The following EXOC6B variants were observed in gnomAD, a reference collection of about 807,000 sequenced individuals.
EXOC6B encodes SEC15 homolog B.
EXOC6B carries 54 observed loss-of-function variants against 113.5 expected under a neutral mutation model. That is an observed-to-expected ratio of 0.48 (90% CI 0.38 to 0.60). EXOC6B has a LOEUF of 0.60. Among genes scored for constraint, EXOC6B ranks in the 20% least tolerant of loss-of-function variants. EXOC6B has a pLI of 0.00. For missense variants in EXOC6B, 797 were observed against 977.5 expected (o/e 0.82, Z 2.46); for synonymous variants, 357 against 339.0 (o/e 1.05, Z -0.58).
chr2:72,704,054 C>T (rs1189164307), intron 6 of EXOC6B, among the ~76,000 whole-genome samples: 1 of 150,832 alleles, frequency 6.6e-6, no homozygotes, highest in Non-Finnish European at 1.5e-5. Flanking sequence ...ACACCTATTC[C>T]AAAATTGACC....
chr2:72,554,760 T>A (rs969055785), intron 8 of EXOC6B, among the ~76,000 whole-genome samples: 6 of 152,272 alleles, frequency 3.9e-5, no homozygotes, highest in African/African-American at 1.4e-4. Flanking sequence ...TTTTATTTTT[T>A]ATTTTTTTAT....
chr2:72,597,829 A>T (rs1670170298), intron 6 of EXOC6B, among the ~76,000 whole-genome samples: 1 of 151,962 alleles, frequency 6.6e-6, no homozygotes, highest in South Asian at 2.1e-4. Context: ...AACAAATAAA[A>T]TTATCAGGGA....
At chr2:72,285,984 A>G (rs966281769) in intron 20 of EXOC6B, among the ~76,000 whole-genome samples, 6 of 152,184 alleles carry the variant, frequency 3.9e-5, no homozygotes, top group Non-Finnish European at 8.8e-5. Flanking sequence ...GGACACTGCT[A>G]AACACCAAAT....
rs1694417250 is a variant in EXOC6B at position 72,414,772 on chromosome 2, C to A, written c.1981-34902G>T. Reference sequence around the variant, plus strand: ...ACTCAACTCTACATAAATTTACCAGCTCACTGAAAGGGCTTGGCTCTGTTA... The same window carrying A: ...ACTCAACTCTACATAAATTTACCAGATCACTGAAAGGGCTTGGCTCTGTTA... On this transcript the variant is annotated intron_variant, in intron 18 of 21. Transcript: ENST00000272427. Among the ~76,000 whole-genome samples the A allele has an allele frequency of 2.0e-5, 3 of 152,346 alleles. No homozygotes were observed. The South Asian group carries it at 6.2e-4, about 32-fold the overall frequency.
chr2:72,227,643 G>A (rs1237623677), intron 20 of EXOC6B, among the ~76,000 whole-genome samples: 2 of 152,110 alleles, frequency 1.3e-5, no homozygotes, highest in Non-Finnish European at 2.9e-5. Context: ...TCATTTACCA[G>A]AGAATACACA....
intron 19 of EXOC6B, among the ~76,000 whole-genome samples, chr2:72,357,212 G>C (rs1292099817): frequency 1.3e-5 from 2 of 152,036 alleles, no homozygotes; most frequent in Non-Finnish European, 2.9e-5. Context: ...TTACATAACA[G>C]CATATTGTTA....
chr2:72,622,253 GC>G (rs924954180), intron 6 of EXOC6B, among the ~76,000 whole-genome samples: 100 of 148,748 alleles, frequency 6.7e-4, no homozygotes, highest in Middle Eastern at 3.5e-3. Context: ...ACTCTTCTCA[GC>G]CCCACCCCAG....
intron 19 of EXOC6B, among the ~76,000 whole-genome samples, chr2:72,349,655 T>G (rs972388115): frequency 6.6e-6 from 1 of 152,186 alleles, no homozygotes; most frequent in Non-Finnish European, 1.5e-5. Context: ...CATGGAAGAT[T>G]GCTATTCTCC....
rs200752375 is a variant in EXOC6B, at chr2:72,496,606, G to C, written c.1338-47C>G. 152 of 1,153,630 alleles carry C rather than the reference G, an allele frequency of 1.3e-4. 2 individuals carry two copies. The Middle Eastern group carries it at 9.1e-3, about 69-fold the overall frequency. 71.5% of individuals were successfully genotyped at this position (1,153,630 alleles called of 1,614,324 possible). A position where few individuals can be genotyped will look rare whatever the true frequency, so the allele number is the denominator to read the frequency against. On this transcript the variant is annotated intron_variant, in intron 13 of 21. Transcript: ENST00000272427. ...AAGGGAAGGGAAGGATAGACAAAGTGGGGGGGTAGGGGAGGGGAACAGAGG... is the reference window on the plus strand; with the variant it reads ...AAGGGAAGGGAAGGATAGACAAAGTCGGGGGGTAGGGGAGGGGAACAGAGG...
At chr2:72,200,692 C>T (rs1016816688) in intron 20 of EXOC6B, among the ~76,000 whole-genome samples, 1 of 152,192 alleles carries the variant, frequency 6.6e-6, no homozygotes, top group Non-Finnish European at 1.5e-5. Context: ...ATACAGGCCC[C>T]TGATTTGAAT....
chr2:72,343,513 C>T (rs1398007918), intron 19 of EXOC6B, among the ~76,000 whole-genome samples: 2 of 152,104 alleles, frequency 1.3e-5, no homozygotes, highest in African/African-American at 4.8e-5. Flanking sequence ...TGATTGAAAT[C>T]TTCATTTGTT....
chr2:72,357,123 T>C (rs1025292302), intron 19 of EXOC6B, among the ~76,000 whole-genome samples: 2 of 152,326 alleles, frequency 1.3e-5, no homozygotes, highest in African/African-American at 4.8e-5. Flanking sequence ...AGGTGTTTTA[T>C]CATCTGACAT....
chr2:72,190,606 T>G (rs1302954155), intron 20 of EXOC6B, among the ~76,000 whole-genome samples: 1 of 152,176 alleles, frequency 6.6e-6, no homozygotes, highest in Non-Finnish European at 1.5e-5. Flanking sequence ...CCAATCTAGT[T>G]TCTCGTTTAT....
chr2:72,594,011 T>C (rs1669912419), intron 6 of EXOC6B, among the ~76,000 whole-genome samples: 1 of 152,196 alleles, frequency 6.6e-6, no homozygotes. Flanking sequence ...GACAGGCTTT[T>C]ACTGCGTTGT....
chr2:72,445,368 A>T (rs997378977), intron 18 of EXOC6B, among the ~76,000 whole-genome samples: 1 of 152,150 alleles, frequency 6.6e-6, no homozygotes, highest in Admixed American at 6.5e-5. Context: ...CTGGGCCATC[A>T]AACTGTTCCA....
At chr2:72,192,797 T>A (rs1048732315) in intron 20 of EXOC6B, among the ~76,000 whole-genome samples, 4 of 152,188 alleles carry the variant, frequency 2.6e-5, no homozygotes, top group Admixed American at 6.5e-5. Flanking sequence ...AGCAGGTGCA[T>A]CCTTGAAGTA....
rs112086820 is a variant in EXOC6B at position 72,604,199 on chromosome 2, C to T, written c.670-28531G>A. Among the ~76,000 whole-genome samples, 914 of 152,202 alleles carry T rather than the reference C, an allele frequency of 6.0e-3. 6 individuals carry two copies. Among genetic ancestry groups the T allele is most frequent in the Non-Finnish European group, 8.7e-3 (590 of 68,016 alleles). On this transcript the variant is annotated intron_variant, in intron 6 of 21. Transcript: ENST00000272427. ...AGAAGTATAATACAAAACCCAAAGT[C>T]GGTGTTACTGAAATAAATCTCATAC... is the stretch of plus-strand genomic sequence containing the variant.
rs200425029 is a variant in EXOC6B, at chr2:72,730,993, A to G, written c.464+14T>C. ...TTAGATAGTAAAAACTGTTCGATTA[A>G]AAAAAAATCTTACCTTTTAGTTTTC... On this transcript the variant is annotated intron_variant, in intron 5 of 21. Transcript: ENST00000272427. 5.2e-5 allele frequency: 79 copies of G among 1,518,598 alleles called. 1 individual carries two copies. In the South Asian group the frequency reaches 8.5e-4, roughly 16 times the overall value. 94.1% of individuals were successfully genotyped at this position (1,518,598 alleles called of 1,614,324 possible).
chr2:72,513,427 T>G (rs924575786), intron 10 of EXOC6B, among the ~76,000 whole-genome samples, 175 bp from the exon 11 acceptor site: 1 of 152,114 alleles, frequency 6.6e-6, no homozygotes, highest in Non-Finnish European at 1.5e-5. Flanking sequence ...CCAAAAATTA[T>G]GTCTGTGATC....
Sources: gnomAD v4.1 joint callset for allele counts (sites outside exome capture counted in the v4.1 genomes callset) on GRCh38, gnomAD v4.1.1 for gene constraint, MANE v1.5 for transcripts, NCBI Gene and HGNC (gene_info 2026-07-23, HGNC 2026-07-21) for gene names.